ARMCX4: variants seen among roughly 807,000 people sequenced by gnomAD.
ARMCX4 encodes armadillo repeat-containing X-linked protein 4.
In ARMCX4, 3 loss-of-function variants were observed where a neutral mutation model predicts 34.7. The observed-to-expected ratio is 0.09, with a 90% CI of 0.04 to 0.22. The LOEUF (loss-of-function observed/expected upper bound fraction) is 0.22, where lower values mean the gene tolerates loss of function less well. Ranked by LOEUF, ARMCX4 falls within the 10% of genes least tolerant of loss-of-function variation. The pLI is 1.00. For missense variants in ARMCX4, 1,448 were observed against 1,720.8 expected (o/e 0.84, Z 2.81); for synonymous variants, 513 against 632.8 (o/e 0.81, Z 2.84).
chrX:101,514,085 A>G (rs947506343), intron 11 of ARMCX4, among the ~76,000 whole-genome samples: 18 of 111,503 alleles, frequency 1.6e-4, no homozygotes, highest in African/African-American at 5.2e-4. Flanking sequence ...GTTTATTCAT[A>G]GGCATGAGAA....
At position 101,491,785 on chromosome X, in the gene ARMCX4, C is replaced by T; in HGVS notation, c.3196C>T (p.Pro1066Ser). Residue 1066 changes from proline (P) to serine (S), a missense_variant, in exon 6 of 6, where the codon CCT becomes TCT. Coordinates refer to ENST00000423738, the MANE Select transcript of ARMCX4 (RefSeq NM_001256155.3). ...ATAEDEAYAK[P>S]EAEAMPTSES... ...AGCAGAAGATGAGGCCTATGCAAAG[C>T]CTGAGGCTGAGGCCATGCCCACTTC... is the stretch of plus-strand genomic sequence containing the variant. 4 of 1,156,509 alleles carry T rather than the reference C, an allele frequency of 3.5e-6. No homozygotes were observed. The highest frequency in any genetic ancestry group is 4.6e-6 in the Non-Finnish European group (4 of 872,954).
chrX:101,422,585 G>T (rs1170612146), intron 2 of ARMCX4, among the ~76,000 whole-genome samples: 1 of 111,225 alleles, frequency 9.0e-6, no homozygotes, highest in Admixed American at 9.6e-5. Context: ...ATTTGGGGAG[G>T]TTCAGACTCT....
intron 11 of ARMCX4, among the ~76,000 whole-genome samples, chrX:101,523,035 T>C (rs1420364867): frequency 6.3e-5 from 7 of 111,743 alleles, no homozygotes; most frequent in African/African-American, 2.3e-4. Flanking sequence ...AGGAAGGCTA[T>C]GTACATATAT....
At chrX:101,429,734 G>C (rs1157838614) in intron 2 of ARMCX4, among the ~76,000 whole-genome samples, 2 of 111,450 alleles carry the variant, frequency 1.8e-5, no homozygotes, top group Non-Finnish European at 3.8e-5. Context: ...TCCCAAGACT[G>C]TGAACTTGTG....
At chrX:101,435,302 G>A (rs782800414) in intron 2 of ARMCX4, among the ~76,000 whole-genome samples, 1 of 111,643 alleles carries the variant, frequency 9.0e-6, no homozygotes, top group East Asian at 2.8e-4. Flanking sequence ...AGCACCTGTT[G>A]TTTCCTGACT....
chrX:101,513,932 G>A (rs1556017032), intron 11 of ARMCX4, among the ~76,000 whole-genome samples: 1 of 111,042 alleles, frequency 9.0e-6, no homozygotes. Context: ...AGGGATACTA[G>A]TGCATGGTAG....
chrX:101,530,996 G>T (rs1473823202), intron 11 of ARMCX4, among the ~76,000 whole-genome samples: 1 of 112,122 alleles, frequency 8.9e-6, no homozygotes, highest in African/African-American at 3.2e-5. Context: ...CTTAAAACAA[G>T]ACAAATTTAT....
intron 7 of ARMCX4, among the ~76,000 whole-genome samples, chrX:101,501,123 C>T (rs1167249897): frequency 8.9e-6 from 1 of 112,640 alleles, no homozygotes; most frequent in Non-Finnish European, 1.9e-5. Context: ...GCCTGGTAGG[C>T]CTCTTTGGGT....
At chrX:101,438,283 G>C (rs183388196) in intron 2 of ARMCX4, among the ~76,000 whole-genome samples, 36 of 111,820 alleles carry the variant, frequency 3.2e-4, no homozygotes, top group African/African-American at 1.0e-3. Flanking sequence ...CCCATTATCA[G>C]GCTGGGTGCG....
At chrX:101,534,186 T>G (rs1556022893), downstream of ARMCX4, among the ~76,000 whole-genome samples, 5 of 111,842 alleles carry the variant, frequency 4.5e-5, no homozygotes, top group Non-Finnish European at 1.9e-5. Context: ...TGCCAGGCAA[T>G]GTTCTAGGAG....
intron 11 of ARMCX4, among the ~76,000 whole-genome samples, chrX:101,522,308 T>C (rs1341617573): frequency 9.0e-6 from 1 of 111,610 alleles, no homozygotes; most frequent in Admixed American, 9.6e-5. Flanking sequence ...AGTAAAGCCC[T>C]CCAGGTCCCT....
chrX:101,482,681 T>C (rs1319866050), upstream of ARMCX4, among the ~76,000 whole-genome samples: 1 of 110,962 alleles, frequency 9.0e-6, no homozygotes, highest in Non-Finnish European at 1.9e-5. Flanking sequence ...ATTATAGGCG[T>C]GAGCCATCAC....
chrX:101,520,031 A>G (rs1244529000), intron 11 of ARMCX4, among the ~76,000 whole-genome samples: 4 of 111,465 alleles, frequency 3.6e-5, no homozygotes, highest in South Asian at 3.7e-4. Context: ...GTTTTCTCCT[A>G]TTGAGTTTTA....
intron 11 of ARMCX4, chrX:101,516,362 A>C (rs1455208771): frequency 8.9e-6 from 1 of 111,996 alleles, no homozygotes; most frequent in Non-Finnish European, 1.9e-5. Flanking sequence ...TAAAATTATA[A>C]GTGTATCTTA....
At chrX:101,433,001 T>TATACACACGTATGTATACATACAC (rs1569314946) in intron 2 of ARMCX4, among the ~76,000 whole-genome samples, 2 of 57,783 alleles carry the variant, frequency 3.5e-5, no homozygotes, top group African/African-American at 5.1e-5. Flanking sequence ...TATACATATA[T>TATACACACGTATGTATACATACAC]GTGTATATAT....
intron 4 of ARMCX4, among the ~76,000 whole-genome samples, chrX:101,455,028 G>C (rs1419024474): frequency 9.0e-6 from 1 of 111,534 alleles, no homozygotes; most frequent in Non-Finnish European, 1.9e-5. Context: ...TATCACACTG[G>C]GCATTGGGAT....
Position 101,490,881 on chromosome X carries a change from C to G in ARMCX4, c.2292C>G (p.Ala764=). 8.7e-7 allele frequency: 1 copy of G among 1,151,829 alleles called. No homozygotes were observed. The highest frequency in any genetic ancestry group is 1.8e-5 in the African/African-American group (1 of 55,174). The allele number at this position is 1,151,829 out of a possible 1,213,427, so 94.9% of individuals were successfully genotyped here. A position where few individuals can be genotyped will look rare whatever the true frequency, so the allele number is the denominator to read the frequency against. ...CTCAGGGTGAGGTCTTGCCTGGTGC[C>G]AAAAATAAGGTCAAGGCCAATCTTA... ...ANSQGEVLPG[A]KNKVKANLNA... The change falls in exon 6 of 6, where the codon GCC becomes GCG. Residue 764 remains alanine (A), a synonymous_variant. Coordinates refer to ENST00000423738, the MANE Select transcript of ARMCX4 (RefSeq NM_001256155.3).
At chrX:101,429,199 CAG>C (rs1319745526) in intron 2 of ARMCX4, among the ~76,000 whole-genome samples, 2 of 111,015 alleles carry the variant, frequency 1.8e-5, no homozygotes, top group Non-Finnish European at 3.8e-5. Flanking sequence ...TTATAGGAAT[CAG>C]ACAGACTTGC....
chrX:101,476,614 G>T (rs1556004342), intron 4 of ARMCX4, among the ~76,000 whole-genome samples: 1 of 111,025 alleles, frequency 9.0e-6, no homozygotes, highest in Non-Finnish European at 1.9e-5. Flanking sequence ...ATGACTCTGG[G>T]TTAAAGAAGA....
Sources: allele counts gnomAD v4.1 joint callset (sites outside exome capture counted in the v4.1 genomes callset), GRCh38; gene constraint gnomAD v4.1.1; transcripts MANE v1.5; gene names NCBI Gene and HGNC (gene_info 2026-07-23, HGNC 2026-07-21).